TBC1D22A: variants seen among roughly 807,000 people sequenced by gnomAD.
TBC1D22A encodes the protein TBC1 domain family member 22A.
TBC1D22A carries 38 observed loss-of-function variants against 60.2 expected under a neutral mutation model. The ratio of observed to expected loss-of-function variants is 0.63; its 90% CI spans 0.49 to 0.83. TBC1D22A has a LOEUF of 0.83. Among genes scored for constraint, TBC1D22A ranks in the 40% least tolerant of loss-of-function variants. TBC1D22A has a pLI of 0.00. For synonymous variants in TBC1D22A, 302 were observed against 281.7 expected (o/e 1.07, Z -0.72); for missense variants, 628 against 701.0 (o/e 0.90, Z 1.18).
intron 4 of TBC1D22A, among the ~76,000 whole-genome samples, chr22:46,814,647 A>T (rs2085515798): frequency 1.3e-5 from 2 of 151,486 alleles, no homozygotes; most frequent in Admixed American, 1.3e-4. Context: ...TATTTATTTT[A>T]TTTTTAATTT....
At chr22:46,944,398 A>G (rs2147968499) in intron 8 of TBC1D22A, among the ~76,000 whole-genome samples, 1 of 152,286 alleles carries the variant, frequency 6.6e-6, no homozygotes. Context: ...ATTAAATTCT[A>G]TGCATTCCTC....
At chr22:46,792,748 G>C in intron 2 of TBC1D22A, 172 bp downstream of exon 2, 1 of 1,494,376 alleles carries the variant, frequency 6.7e-7, no homozygotes, top group Non-Finnish European at 8.9e-7. Context: ...TGTGCACCCC[G>C]TGCTGCGCAT....
chr22:47,099,808 T>G (rs1239689641), intron 11 of TBC1D22A, among the ~76,000 whole-genome samples: 1 of 152,146 alleles, frequency 6.6e-6, no homozygotes, highest in Non-Finnish European at 1.5e-5. Flanking sequence ...CATGGCCCAT[T>G]CTGTGTTCCA....
intron 5 of TBC1D22A, among the ~76,000 whole-genome samples, chr22:46,882,167 C>T (rs542844117): frequency 4.1e-4 from 63 of 152,182 alleles, no homozygotes; most frequent in Middle Eastern, 3.4e-3. Context: ...TCCGGGCCCA[C>T]GAAGCAAATT....
intron 1 of TBC1D22A, 64 bp downstream of exon 1, chr22:46,762,912 T>G (rs1601755756): frequency 7.1e-7 from 1 of 1,410,412 alleles, no homozygotes; most frequent in African/African-American, 1.5e-5. Flanking sequence ...CGCGTTGGCC[T>G]CCTGGGCTGC....
intron 11 of TBC1D22A, among the ~76,000 whole-genome samples, chr22:47,085,442 T>TA (rs1383906900): frequency 1.3e-5 from 2 of 152,184 alleles, no homozygotes; most frequent in African/African-American, 4.8e-5. Context: ...CATGCAGTCT[T>TA]ACAGTTGCCA....
chr22:46,819,188 A>G (rs138624480), intron 4 of TBC1D22A, among the ~76,000 whole-genome samples: 11,209 of 152,198 alleles, frequency 0.074, 583 homozygotes, highest in Non-Finnish European at 0.11. Flanking sequence ...AACAGAGACA[A>G]CTTGACTCCT....
intron 9 of TBC1D22A, among the ~76,000 whole-genome samples, chr22:46,993,931 G>T: frequency 6.6e-6 from 1 of 152,210 alleles, no homozygotes. Context: ...CTTAGCCTTG[G>T]CGCCTCGCCC....
At chr22:47,084,074 G>C (rs2064581537) in intron 11 of TBC1D22A, among the ~76,000 whole-genome samples, 1 of 152,250 alleles carries the variant, frequency 6.6e-6, no homozygotes, top group Non-Finnish European at 1.5e-5. Flanking sequence ...GAGAGTTGAT[G>C]AGGTGCATTC....
At chr22:46,846,327 A>T (rs2086990988) in intron 4 of TBC1D22A, among the ~76,000 whole-genome samples, 1 of 152,168 alleles carries the variant, frequency 6.6e-6, no homozygotes, top group African/African-American at 2.4e-5. Context: ...TATGTTTGTC[A>T]GTGGGCGTGG....
chr22:46,954,215 G>T (rs1377903576), intron 8 of TBC1D22A, among the ~76,000 whole-genome samples: 2 of 152,236 alleles, frequency 1.3e-5, no homozygotes, highest in African/African-American at 4.8e-5. Context: ...GTCCCGCTCT[G>T]CTTCTTGCAG....
intron 8 of TBC1D22A, among the ~76,000 whole-genome samples, chr22:46,964,196 G>A (rs572956073): frequency 2.6e-5 from 4 of 152,328 alleles, no homozygotes; most frequent in African/African-American, 7.2e-5. Flanking sequence ...CACATTCTTT[G>A]TGTGAAGCCT....
chr22:46,819,035 GC>G (rs1379452466), intron 4 of TBC1D22A, among the ~76,000 whole-genome samples: 2 of 152,208 alleles, frequency 1.3e-5, no homozygotes, highest in Non-Finnish European at 2.9e-5. Flanking sequence ...CTCTCTGCTT[GC>G]CTATTGTTGG....
intron 10 of TBC1D22A, among the ~76,000 whole-genome samples, chr22:47,014,160 G>A (rs1326890245): frequency 6.6e-6 from 1 of 152,342 alleles, no homozygotes; most frequent in Middle Eastern, 3.4e-3. Flanking sequence ...CTCATCAGGT[G>A]CATCCGGGCT....
At chr22:46,909,797 G>A (rs898643992) in intron 7 of TBC1D22A, among the ~76,000 whole-genome samples, 1 of 152,132 alleles carries the variant, frequency 6.6e-6, no homozygotes, top group African/African-American at 2.4e-5. Context: ...CTGCCTTCAG[G>A]GACCCAGCCT....
chr22:47,007,225 C>G (rs941501657), intron 10 of TBC1D22A, among the ~76,000 whole-genome samples: 1 of 152,202 alleles, frequency 6.6e-6, no homozygotes, highest in Non-Finnish European at 1.5e-5. Context: ...TTGGGGCCAT[C>G]ATGAGTACTT....
At chr22:47,046,164 A>C (rs131905) in intron 11 of TBC1D22A, among the ~76,000 whole-genome samples, 105,181 of 152,012 alleles carry the variant, frequency 0.69, 36,985 homozygotes, top group East Asian at 0.92. Flanking sequence ...GCCTTGCCCC[A>C]CAAGGAGGGT....
chr22:47,095,551 A>G (rs577137074), intron 11 of TBC1D22A, among the ~76,000 whole-genome samples: 1 of 152,358 alleles, frequency 6.6e-6, no homozygotes, highest in Non-Finnish European at 1.5e-5. Context: ...TTTTATAAGC[A>G]AAACTAAATC....
intron 11 of TBC1D22A, among the ~76,000 whole-genome samples, chr22:47,076,230 A>T (rs908746330): frequency 1.3e-5 from 2 of 151,964 alleles, no homozygotes; most frequent in Admixed American, 6.6e-5. Flanking sequence ...CGGAAAACAG[A>T]GAATAACGTG....
Sources: gnomAD v4.1 joint callset for allele counts (sites outside exome capture counted in the v4.1 genomes callset) on GRCh38, gnomAD v4.1.1 for gene constraint, MANE v1.5 for transcripts, NCBI Gene and HGNC (gene_info 2026-07-23, HGNC 2026-07-21) for gene names.